MS4A6A: variants seen among roughly 807,000 people sequenced by gnomAD.
MS4A6A encodes membrane spanning 4-domains A6A, also known as membrane-spanning 4-domains subfamily A member 6A.
Under a neutral mutation model 20.6 loss-of-function variants are expected in MS4A6A, and 19 were observed. That is an observed-to-expected ratio of 0.92 (90% CI 0.64 to 1.36). MS4A6A has a LOEUF of 1.36. MS4A6A is among the 40% of genes most tolerant of loss of function. The probability of loss-of-function intolerance (pLI) is 0.00; values close to 1 mark genes in which losing one functional copy is unlikely to be tolerated. For synonymous variants in MS4A6A, 108 were observed against 105.0 expected (o/e 1.03, Z -0.17); for missense variants, 272 against 261.1 (o/e 1.04, Z -0.29).
At position 60,176,291 on chromosome 11, in the gene MS4A6A, T is replaced by C. The variant is rs1438308734; in HGVS notation, c.340-680A>G. On this transcript the variant is annotated intron_variant, in intron 4 of 5. Transcript: ENST00000528851. Reference sequence around the variant, plus strand: ...GCAGGCCCAAGGATGGTGTAATGTGTGGGAGGCAGCGGGAAGTACAAGAAA... The same window carrying C: ...GCAGGCCCAAGGATGGTGTAATGTGCGGGAGGCAGCGGGAAGTACAAGAAA... Among the ~76,000 whole-genome samples the C allele has an allele frequency of 3.3e-5, 5 of 152,076 alleles. No individual in the cohort carries two copies. In the South Asian group the frequency reaches 1.0e-3, roughly 32 times the overall value.
In MS4A6A at chr11:60,179,913, G is replaced by A. The variant is rs1163688397; in HGVS notation, c.200C>T (p.Ala67Val). Residue 67 changes from alanine (A) to valine (V), a missense_variant, in exon 3 of 6, where the codon GCA (alanine) becomes GTA (valine). By Grantham distance (64) the Ala-to-Val change is moderately conservative (BLOSUM62 0). Transcript: ENST00000528851. ...MMVLSLGIIL[A>V]SASFSPNFTQ... ...AAAATTTGGAGAGAAGGAAGCAGAT[G>A]CCAAAATGATCCCCAAGCTCAATAC... The A allele has an allele frequency of 3.1e-6, 5 of 1,613,412 alleles. No individual in the cohort carries two copies. The highest frequency in any genetic ancestry group is 3.3e-5 in the Admixed American group (2 of 59,892).
chr11:60,178,170 A>G (rs754925451), intron 4 of MS4A6A, 90 bp downstream of exon 4: 34 of 1,254,830 alleles, frequency 2.7e-5, no homozygotes, highest in Non-Finnish European at 3.8e-5. Flanking sequence ...TGAGTTTTCA[A>G]CTTTTCAAAG....
At chr11:60,174,326 CT>C (rs5792171) in intron 5 of MS4A6A, among the ~76,000 whole-genome samples, 6,395 of 141,922 alleles carry the variant, frequency 0.045, 165 homozygotes, top group African/African-American at 0.059. Context: ...TTCTTTATTC[CT>C]TTTTTTTTTT....
At chr11:60,178,554 C>CA (rs761584873) in intron 3 of MS4A6A, among the ~76,000 whole-genome samples, 11 of 148,278 alleles carry the variant, frequency 7.4e-5, no homozygotes, top group Non-Finnish European at 1.3e-4. Flanking sequence ...TCCCACTAAA[C>CA]AAAAAAAGAC....
At position 60,178,289 on chromosome 11, in the gene MS4A6A, C is replaced by T. The variant is rs141358081; in HGVS notation, c.310G>A (p.Ala104Thr). 2.2e-4 allele frequency: 357 copies of T among 1,613,218 alleles called. 2 individuals carry two copies. The African/African-American group carries it at 3.3e-3, about 15-fold the overall frequency. ...FFIISGSLSI[A>T]TEKRLTKLLV... is the part of the protein sequence containing the mutation. The stretch of plus-strand genomic sequence containing the variant: ...AGCTTGGTTAACCTTTTCTCTGTGG[C>T]GATTGATAGAGAGCCAGAGATGATA... The change falls in exon 4 of 6, where the codon GCC (alanine) becomes ACC (threonine). Residue 104 changes from alanine to threonine, a missense_variant. Transcript: ENST00000528851.
downstream of MS4A6A, chr11:60,172,222 C>T (rs1421281914): frequency 6.2e-7 from 1 of 1,613,296 alleles, no homozygotes; most frequent in African/African-American, 1.3e-5. Flanking sequence ...GCCAGAATTA[C>T]CAATGTAACT....
In MS4A6A at chr11:60,172,894, C is replaced by T; in HGVS notation, c.*107G>A. On this transcript the variant is annotated 3_prime_UTR_variant, in exon 6 of 6. Transcript: ENST00000528851. ...TGCTTTTCTTCTCTGTCTTCCATCA[C>T]AATGCAAATGCCCTCCCATGTGTAT... The T allele has an allele frequency of 1.3e-6, 2 of 1,557,948 alleles. No homozygotes were observed. The highest frequency in any genetic ancestry group is 1.8e-5 in the Admixed American group (1 of 55,988).
At chr11:60,171,744 C>A (rs1220302646), downstream of MS4A6A, among the ~76,000 whole-genome samples, 1 of 152,164 alleles carries the variant, frequency 6.6e-6, no homozygotes, top group African/African-American at 2.4e-5. Flanking sequence ...AGTCTGAGCA[C>A]CACAACAAAT....
rs1856631305 is a variant in MS4A6A, at chr11:60,172,537, C to T, written c.*464G>A. On this transcript the variant is annotated 3_prime_UTR_variant, in exon 6 of 6. Transcript: ENST00000528851. ...CATTTTTAATATAGCTTTAAAAAGG[C>T]AAACGAATTTTAAGATCACCAGGGG... is the stretch of plus-strand genomic sequence containing the variant. 2.6e-6 allele frequency: 3 copies of T among 1,140,350 alleles called. No homozygotes were observed. Among genetic ancestry groups the T allele is most frequent in the Admixed American group, 8.6e-5 (2 of 23,252 alleles). 70.6% of individuals were successfully genotyped at this position (1,140,350 alleles called of 1,614,324 possible).
rs1258408007 is a variant in MS4A6A, at chr11:60,179,951, C to A, written c.162G>T (p.Leu54Phe). The A allele has an allele frequency of 1.2e-6, 2 of 1,613,944 alleles. No homozygotes were observed. ...EIKVIGTIQILCGMMVLSLGI... is the reference protein window; with the variant it reads ...EIKVIGTIQIFCGMMVLSLGI... ...CCAAGCTCAATACCATCATGCCACA[C>A]AAGATCTGGATAGTCTGTGGGAAGA... Residue 54 changes from leucine (L) to phenylalanine (F), a missense_variant, in exon 3 of 6, where the codon TTG becomes TTT. Coordinates refer to ENST00000528851, the MANE Select transcript of MS4A6A (RefSeq NM_022349.4).
intron 5 of MS4A6A, among the ~76,000 whole-genome samples, chr11:60,174,443 A>G (rs1441491106): frequency 2.0e-5 from 3 of 151,138 alleles, no homozygotes; most frequent in Non-Finnish European, 4.4e-5. Flanking sequence ...TCTCCGCCTC[A>G]GCCTCCCAAG....
intron 2 of MS4A6A, chr11:60,180,726 C>T (rs1381523916): frequency 3.1e-4 from 73 of 236,894 alleles, no homozygotes; most frequent in Non-Finnish European, 7.6e-5. Context: ...AGAGGCCATC[C>T]CCCTTAGCAG....
chr11:60,179,698 G>A (rs1335377231), intron 3 of MS4A6A, 133 bp downstream of exon 3: 1 of 1,005,450 alleles, frequency 9.9e-7, no homozygotes, highest in South Asian at 1.3e-5. Flanking sequence ...TACCCGACAG[G>A]AGAACAAGAT....
chr11:60,174,879 G>A (rs1174742456), intron 5 of MS4A6A, among the ~76,000 whole-genome samples: 1 of 151,228 alleles, frequency 6.6e-6, no homozygotes, highest in Admixed American at 6.7e-5. Context: ...ATTCTCACCT[G>A]ATCAGTATTA....
chr11:60,179,825 A>G lies in MS4A6A; in HGVS notation c.282+6T>C, dbSNP rs775502191. On this transcript the variant is annotated splice_donor_region_variant and intron_variant, in intron 3 of 5. Transcript: ENST00000528851. ...CCATCCTGCCCTCCTCAGAAACTCT[A>G]CTCACAAAAAAGGGTCCTATGAATG... is the stretch of plus-strand genomic sequence containing the variant. The G allele has an allele frequency of 5.0e-6, 8 of 1,613,954 alleles. No homozygotes were observed. The South Asian group carries it at 7.7e-5, about 16-fold the overall frequency.
At chr11:60,173,433 A>G (rs923753255) in intron 5 of MS4A6A, among the ~76,000 whole-genome samples, 1 of 152,222 alleles carries the variant, frequency 6.6e-6, no homozygotes, top group Non-Finnish European at 1.5e-5. Flanking sequence ...CTCGGTAAGA[A>G]AGCAGAGTGG....
intron 4 of MS4A6A, among the ~76,000 whole-genome samples, chr11:60,176,746 T>C (rs1259438667): frequency 6.6e-6 from 1 of 152,202 alleles, no homozygotes; most frequent in African/African-American, 2.4e-5. Context: ...TAGAATAAGC[T>C]AGATTTGTCT....
chr11:60,179,772 C>A, intron 3 of MS4A6A, 59 bp downstream of exon 3: 1 of 1,597,074 alleles, frequency 6.3e-7, no homozygotes, highest in African/African-American at 1.3e-5. Flanking sequence ...GAAGTCTAAG[C>A]TATTGGCATC....
rs571869860 is a variant in MS4A6A, at chr11:60,179,028, G to A, written c.283-712C>T. ...TGGCATGGATCTTGGAACAGAAAAA[G>A]GTCATTTGGGGAAAACCAATGAAAT... On this transcript the variant is annotated intron_variant, in intron 3 of 5. Coordinates refer to ENST00000528851, the MANE Select transcript of MS4A6A (RefSeq NM_022349.4). Among the ~76,000 whole-genome samples the A allele has an allele frequency of 5.3e-5, 8 of 152,212 alleles. No homozygotes were observed. In the South Asian group the frequency reaches 1.5e-3, roughly 28 times the overall value.
Sources: gnomAD v4.1 joint callset for allele counts (sites outside exome capture counted in the v4.1 genomes callset) on GRCh38, gnomAD v4.1.1 for gene constraint, MANE v1.5 for transcripts, NCBI Gene and HGNC (gene_info 2026-07-23, HGNC 2026-07-21) for gene names.